MYCBP2: variants seen among roughly 807,000 people sequenced by gnomAD.
MYCBP2 encodes the protein MYC binding protein 2, also known as E3 ubiquitin-protein ligase MYCBP2.
Under a neutral mutation model 525.3 loss-of-function variants are expected in MYCBP2, and 120 were observed. That is an observed-to-expected ratio of 0.23 (90% CI 0.20 to 0.27). The LOEUF (loss-of-function observed/expected upper bound fraction) is 0.27. Among genes scored for constraint, MYCBP2 ranks in the 10% least tolerant of loss-of-function variants. The pLI, the probability that MYCBP2 is intolerant of heterozygous loss-of-function variation, is 1.00. For synonymous variants in MYCBP2, 1,894 were observed against 1,955.8 expected, an observed-to-expected ratio of 0.97 and a Z score of 0.83; for missense variants, 4,149 against 5,657.1, an observed-to-expected ratio of 0.73 and a Z score of 8.55.
chr13:77,096,042 A>G (rs1004660873), intron 57 of MYCBP2, among the ~76,000 whole-genome samples: 7 of 152,130 alleles, frequency 4.6e-5, no homozygotes, highest in African/African-American at 1.4e-4. Flanking sequence ...AATAACAGAC[A>G]ATTAATAATA....
chr13:77,251,746 C>T (rs1271309528), intron 14 of MYCBP2, among the ~76,000 whole-genome samples: 1 of 152,204 alleles, frequency 6.6e-6, no homozygotes, highest in East Asian at 1.9e-4. Flanking sequence ...CAATCACCCT[C>T]CCAAAGCACA....
At chr13:77,085,327 G>C (rs1052240320) in intron 62 of MYCBP2, among the ~76,000 whole-genome samples, 3 of 152,082 alleles carry the variant, frequency 2.0e-5, no homozygotes, top group Admixed American at 6.6e-5. Context: ...ATTATTTCAA[G>C]TTTGTTAAAA....
Position 77,057,813 on chromosome 13 carries a change from A to AAAAAAGATTTC in MYCBP2, c.13329+394_13329+404dup, listed in dbSNP as rs375373359. Reference sequence around the variant, plus strand: ...AAGAACACTTCTGCCTAGTGATATAAAAAAAGATTTCAATCAACTGCTTTT... The same window carrying AAAAAAGATTTC: ...AAGAACACTTCTGCCTAGTGATATAAAAAAAGATTTCAAAAAGATTTCAATCAACTGCTTTT... On this transcript the variant is annotated intron_variant, in intron 78 of 82. Coordinates refer to ENST00000544440, the MANE Select transcript of MYCBP2 (RefSeq NM_015057.5). Among the ~76,000 whole-genome samples the AAAAAAGATTTC allele has an allele frequency of 8.8e-3, 1,330 of 151,828 alleles. 23 individuals carry two copies. The highest frequency in any genetic ancestry group is 0.03 in the African/African-American group (1,239 of 41,278).
chr13:77,323,065 T>G (rs546425167), intron 1 of MYCBP2, among the ~76,000 whole-genome samples: 1 of 152,334 alleles, frequency 6.6e-6, no homozygotes, highest in East Asian at 1.9e-4. Context: ...TAATATTTCA[T>G]AGCAGTCAAC....
chr13:77,166,632 G>GTGTGTCTA, intron 40 of MYCBP2, 78 bp from the exon 41 acceptor site: 1 of 888,798 alleles, frequency 1.1e-6, no homozygotes, highest in Admixed American at 2.5e-5. Flanking sequence ...GTATGTGTGT[G>GTGTGTCTA]TGTGTCTATG....
At chr13:77,065,665 G>A (rs935844099) in intron 72 of MYCBP2, among the ~76,000 whole-genome samples, 1 of 152,154 alleles carries the variant, frequency 6.6e-6, no homozygotes, top group Non-Finnish European at 1.5e-5. Context: ...TTCCACTTTC[G>A]AGAGCTCTCT....
At chr13:77,312,972 C>G (rs1050499594) in intron 1 of MYCBP2, among the ~76,000 whole-genome samples, 1 of 151,830 alleles carries the variant, frequency 6.6e-6, no homozygotes, top group Non-Finnish European at 1.5e-5. Flanking sequence ...ACATTCTTCT[C>G]AAGTGTGTAT....
At chr13:77,191,418 A>G (rs2061284738) in intron 28 of MYCBP2, among the ~76,000 whole-genome samples, 1 of 152,138 alleles carries the variant, frequency 6.6e-6, no homozygotes, top group African/African-American at 2.4e-5. Flanking sequence ...TAATTTGGTA[A>G]TCAAGCTCGT....
intron 15 of MYCBP2, among the ~76,000 whole-genome samples, chr13:77,250,701 C>T (rs906766147): frequency 5.3e-5 from 8 of 152,114 alleles, no homozygotes; most frequent in Non-Finnish European, 1.2e-4. Context: ...AAGCATACAA[C>T]GTTTCTAAAT....
chr13:77,237,483 A>T (rs980711913), intron 17 of MYCBP2, among the ~76,000 whole-genome samples: 1 of 152,166 alleles, frequency 6.6e-6, no homozygotes, highest in Non-Finnish European at 1.5e-5. Flanking sequence ...GTATTATAAC[A>T]CTAAGCAAAA....
intron 1 of MYCBP2, among the ~76,000 whole-genome samples, chr13:77,321,191 A>G (rs1413279319): frequency 6.6e-6 from 1 of 152,250 alleles, no homozygotes; most frequent in East Asian, 1.9e-4. Context: ...AAACAAATAT[A>G]TTAAAGGACA....
At chr13:77,267,782 C>T (rs1216644990) in intron 8 of MYCBP2, 59 bp downstream of exon 8, 1 of 1,294,836 alleles carries the variant, frequency 7.7e-7, no homozygotes, top group Admixed American at 1.7e-5. Flanking sequence ...GTCTAAATAG[C>T]TTAACATGCA....
chr13:77,157,425 T>C (rs187250455), intron 45 of MYCBP2, among the ~76,000 whole-genome samples: 5 of 152,308 alleles, frequency 3.3e-5, no homozygotes, highest in Non-Finnish European at 1.5e-5. Flanking sequence ...GATTTCACCA[T>C]GTTGGCCAGA....
chr13:77,232,254 T>G (rs2067236654), intron 18 of MYCBP2, among the ~76,000 whole-genome samples: 2 of 152,166 alleles, frequency 1.3e-5, no homozygotes, highest in African/African-American at 4.8e-5. Flanking sequence ...TTAGATTAAT[T>G]TGTCTACATG....
At chr13:77,072,262 GC>G (rs1258890574) in intron 68 of MYCBP2, among the ~76,000 whole-genome samples, 1 of 141,324 alleles carries the variant, frequency 7.1e-6, no homozygotes, top group Non-Finnish European at 1.5e-5. Flanking sequence ...CTGCACTCCA[GC>G]CTGGGCGACA....
intron 58 of MYCBP2, 134 bp from the exon 59 acceptor site, chr13:77,093,466 T>C (rs2045753016): frequency 2.9e-6 from 2 of 690,942 alleles, no homozygotes; most frequent in Non-Finnish European, 4.6e-6. Flanking sequence ...TAATCGTAGA[T>C]GTAGGTAGGT....
chr13:77,139,947 A>T (rs1433437156), intron 51 of MYCBP2, 100 bp downstream of exon 51: 1 of 698,284 alleles, frequency 1.4e-6, no homozygotes. Flanking sequence ...AAACTGCTTA[A>T]AACATATTCT....
At chr13:77,310,797 C>A (rs937483706) in intron 1 of MYCBP2, among the ~76,000 whole-genome samples, 15 of 151,904 alleles carry the variant, frequency 9.9e-5, no homozygotes, top group African/African-American at 3.6e-4. Flanking sequence ...CACACACACA[C>A]ACACACCATA....
chr13:77,068,882 A>C, intron 69 of MYCBP2, 51 bp from the exon 70 acceptor site: 1 of 1,552,856 alleles, frequency 6.4e-7, no homozygotes. Context: ...AGTTTGATTT[A>C]CTACTCCTAG....
Sources: allele counts gnomAD v4.1 joint callset (sites outside exome capture counted in the v4.1 genomes callset), GRCh38; gene constraint gnomAD v4.1.1; transcripts MANE v1.5; gene names NCBI Gene and HGNC (gene_info 2026-07-23, HGNC 2026-07-21).